The following MLIP variants were observed in gnomAD, a reference collection of about 807,000 sequenced individuals.
The protein encoded by MLIP is muscular LMNA interacting protein, also known as muscular LMNA-interacting protein.
In MLIP, 79 loss-of-function variants were observed where a neutral mutation model predicts 84.8. The observed-to-expected ratio is 0.93, with a 90% confidence interval of 0.78 to 1.12. The LOEUF (loss-of-function observed/expected upper bound fraction) is 1.12, where lower values mean the gene tolerates loss of function less well. Among genes scored for constraint, MLIP ranks in the 50% most tolerant of loss-of-function variants. The probability of loss-of-function intolerance (pLI) is 0.00; values close to 1 mark genes in which losing one functional copy is unlikely to be tolerated. For synonymous variants in MLIP, 504 were observed against 463.0 expected (o/e 1.09, Z -1.14); for missense variants, 1,257 against 1,160.6 (o/e 1.08, Z -1.21).
At chr6:54,215,063 T>C in intron 11 of MLIP, 1 of 1,043,986 alleles carries the variant, frequency 9.6e-7, no homozygotes. Flanking sequence ...CCCTGGTCTC[T>C]GCCTTTTTGC....
rs144955429 is a variant in MLIP at position 54,115,842 on chromosome 6, G to A, written c.96+4267G>A. 5.5e-4 allele frequency among the ~76,000 whole-genome samples: 83 copies of A among 152,276 alleles called. 1 individual carries two copies. Among genetic ancestry groups the A allele is most frequent in the African/African-American group, 1.9e-3 (77 of 41,552 alleles). On this transcript the variant is annotated intron_variant, in intron 1 of 13. Coordinates refer to ENST00000502396, the MANE Select transcript of MLIP (RefSeq NM_001281747.2). ...ACCTATTTTACTTCCAGGCCCATTG[G>A]TGCAGGAGTGTGAGAGAAAACATTT...
rs1331000805 is a variant in MLIP, at chr6:54,162,392, T to A, written c.2499+1593T>A. Among the ~76,000 whole-genome samples, 3 of 152,166 alleles carry A rather than the reference T, an allele frequency of 2.0e-5. No individual in the cohort carries two copies. In the South Asian group the frequency reaches 6.2e-4, roughly 32 times the overall value. Reference sequence around the variant, plus strand: ...AGCTAGGGATGAACAGTGCAAATGATGTTGAGAAACTGGGTTAAGCACTGT... The same window carrying A: ...AGCTAGGGATGAACAGTGCAAATGAAGTTGAGAAACTGGGTTAAGCACTGT... On this transcript the variant is annotated intron_variant, in intron 8 of 13. Transcript: ENST00000502396.
At chr6:54,076,946 C>T (rs117174680) in intron 1 of MLIP, among the ~76,000 whole-genome samples, 1 of 152,194 alleles carries the variant, frequency 6.6e-6, no homozygotes, top group South Asian at 2.1e-4. Context: ...CTGATTCTTA[C>T]AGCAACTGGA....
chr6:54,139,598 G>A (rs1582250028), intron 4 of MLIP, among the ~76,000 whole-genome samples: 1 of 152,230 alleles, frequency 6.6e-6, no homozygotes, highest in East Asian at 1.9e-4. Flanking sequence ...ATACAAAATA[G>A]TTGAAAAATT....
At chr6:54,082,106 G>A (rs1255303166) in intron 1 of MLIP, among the ~76,000 whole-genome samples, 1 of 151,942 alleles carries the variant, frequency 6.6e-6, no homozygotes, top group African/African-American at 2.4e-5. Flanking sequence ...TAACATGGTA[G>A]TTATTCTTTT....
intron 9 of MLIP, among the ~76,000 whole-genome samples, chr6:54,178,353 C>A (rs935956181): frequency 6.6e-5 from 10 of 151,796 alleles, no homozygotes; most frequent in African/African-American, 1.7e-4. Context: ...TCTTTCTTTT[C>A]AAAAACCACC....
rs548368331 is a variant in MLIP at position 54,178,032 on chromosome 6, C to T, written c.2544+8460C>T. Among the ~76,000 whole-genome samples the T allele has an allele frequency of 2.6e-5, 4 of 152,060 alleles. No individual in the cohort carries two copies. In the East Asian group the frequency reaches 5.8e-4, roughly 22 times the overall value. On this transcript the variant is annotated intron_variant, in intron 9 of 13. Coordinates refer to ENST00000502396, the MANE Select transcript of MLIP (RefSeq NM_001281747.2). ...ACACGGGCAGGGTGGAGGGGAACAA[C>T]ACACATTGGGGCCTCTCGGGAGGGT...
At chr6:54,169,162 T>C (rs1375229480) in intron 8 of MLIP, among the ~76,000 whole-genome samples, 1 of 151,582 alleles carries the variant, frequency 6.6e-6, no homozygotes, top group East Asian at 1.9e-4. Context: ...GAGTGAATGA[T>C]TGAATTGGAG....
At chr6:54,185,437 TA>T (rs1777293724) in intron 9 of MLIP, among the ~76,000 whole-genome samples, 2 of 152,208 alleles carry the variant, frequency 1.3e-5, no homozygotes, top group African/African-American at 4.8e-5. Flanking sequence ...AGCATCTTAT[TA>T]TTATGTCATG....
chr6:54,261,834 C>A, intron 13 of MLIP: 1 of 670,192 alleles, frequency 1.5e-6, no homozygotes, highest in Non-Finnish European at 1.8e-6. Flanking sequence ...AGGCAATTTT[C>A]CAAAACATTA....
Position 54,137,066 on chromosome 6 carries a change from A to G in MLIP, c.997A>G (p.Thr333Ala). The G allele has an allele frequency of 2.0e-6, 3 of 1,535,908 alleles. No homozygotes were observed. In the South Asian group the frequency reaches 3.6e-5, roughly 18 times the overall value. The stretch of plus-strand genomic sequence containing the variant: ...TGAAGTTCTCAAGAAGACAACTTTA[A>G]CCTCGCATGTCCTTAGTCACGGAGA... ...TSEVLKKTTL[T>A]SHVLSHGESP... The change falls in exon 4 of 14, where the codon ACC (threonine) becomes GCC (alanine). Residue 333 changes from threonine to alanine, a missense_variant. Coordinates refer to ENST00000502396, the MANE Select transcript of MLIP (RefSeq NM_001281747.2).
chr6:54,217,579 C>T, intron 11 of MLIP: 2 of 984,442 alleles, frequency 2.0e-6, no homozygotes, highest in Non-Finnish European at 2.4e-6. Flanking sequence ...TTCCTGTCTT[C>T]TTGAAGTTTT....
intron 12 of MLIP, among the ~76,000 whole-genome samples, chr6:54,231,902 C>T (rs905462073): frequency 6.6e-6 from 1 of 151,934 alleles, no homozygotes; most frequent in African/African-American, 2.4e-5. Flanking sequence ...CATCTAAAAG[C>T]AAAAACTATA....
At chr6:54,226,490 C>A (rs992737846) in intron 11 of MLIP, among the ~76,000 whole-genome samples, 2 of 152,068 alleles carry the variant, frequency 1.3e-5, no homozygotes, top group African/African-American at 4.8e-5. Flanking sequence ...TAGCCTGATC[C>A]ATGTGCTCAG....
At chr6:54,139,099 C>T (rs1772072932) in intron 4 of MLIP, among the ~76,000 whole-genome samples, 1 of 152,084 alleles carries the variant, frequency 6.6e-6, no homozygotes, top group Admixed American at 6.5e-5. Context: ...TAAATACCTG[C>T]TATATGTGTA....
intron 12 of MLIP, among the ~76,000 whole-genome samples, chr6:54,252,291 ATAC>A (rs1438531884): frequency 8.6e-6 from 1 of 116,830 alleles, no homozygotes; most frequent in African/African-American, 3.5e-5. Context: ...ATAATATATT[ATAC>A]CATATAATAT....
intron 12 of MLIP, among the ~76,000 whole-genome samples, chr6:54,249,981 G>C (rs958258297): frequency 2.0e-5 from 3 of 151,868 alleles, no homozygotes; most frequent in Admixed American, 6.6e-5. Context: ...CCCAGTGTCT[G>C]TTCCCTTTTA....
chr6:54,187,947 C>T (rs1777556613), intron 9 of MLIP, among the ~76,000 whole-genome samples: 1 of 152,120 alleles, frequency 6.6e-6, no homozygotes, highest in African/African-American at 2.4e-5. Flanking sequence ...GCAGAGGTTG[C>T]AGTGAGCCGA....
chr6:54,143,243 G>A (rs1441639186), intron 4 of MLIP, among the ~76,000 whole-genome samples: 3 of 143,672 alleles, frequency 2.1e-5, no homozygotes, highest in East Asian at 4.0e-4. Flanking sequence ...TTGAGGTGTA[G>A]TTTCGCTCTT....
Sources: gnomAD v4.1 joint callset for allele counts (sites outside exome capture counted in the v4.1 genomes callset) on GRCh38, gnomAD v4.1.1 for gene constraint, MANE v1.5 for transcripts, NCBI Gene and HGNC (gene_info 2026-07-23, HGNC 2026-07-21) for gene names.